TRAK1: variants seen among roughly 807,000 people sequenced by gnomAD.
The protein encoded by TRAK1 is trafficking kinesin protein 1.
In TRAK1, 33 loss-of-function variants were observed where a neutral mutation model predicts 92.1. The observed-to-expected ratio is 0.36, with a 90% confidence interval of 0.27 to 0.48. The LOEUF is 0.48. Ranked by LOEUF, TRAK1 falls within the 20% of genes least tolerant of loss-of-function variation. The probability of loss-of-function intolerance (pLI) is 0.99; values close to 1 mark genes in which losing one functional copy is unlikely to be tolerated. For synonymous variants in TRAK1, 521 were observed against 517.3 expected (o/e 1.01, Z -0.10); for missense variants, 1,123 against 1,257.9 (o/e 0.89, Z 1.62).
intron 1 of TRAK1, among the ~76,000 whole-genome samples, chr3:42,030,372 A>AAAAAAT (rs540353037): frequency 0.033 from 4,426 of 132,212 alleles, 100 homozygotes; most frequent in Non-Finnish European, 0.048. Context: ...TAAAAAAAAA[A>AAAAAAT]ATATATATAT....
chr3:42,184,922 C>T (rs542805290), intron 4 of TRAK1, 121 bp downstream of exon 4: 14 of 948,632 alleles, frequency 1.5e-5, no homozygotes, highest in Admixed American at 4.5e-5. Context: ...AGGGCACGAC[C>T]GCGGCCTGAG....
chr3:42,128,520 CA>C (rs1217883209), intron 2 of TRAK1, among the ~76,000 whole-genome samples: 3 of 152,362 alleles, frequency 2.0e-5, no homozygotes, highest in African/African-American at 7.2e-5. Context: ...AGAGCTCTCT[CA>C]CTAAGGTCCT....
chr3:42,211,845 G>T (rs1577039407), intron 14 of TRAK1: 1 of 985,406 alleles, frequency 1.0e-6, no homozygotes, highest in Non-Finnish European at 1.2e-6. Context: ...TCCTAGCAAC[G>T]TTATTTGACG....
At chr3:42,069,269 C>T (rs544639637) in intron 1 of TRAK1, among the ~76,000 whole-genome samples, 1 of 148,664 alleles carries the variant, frequency 6.7e-6, no homozygotes, top group African/African-American at 2.5e-5. Context: ...TGCAGTGAGA[C>T]TTGCTTGTGT....
chr3:42,073,582 T>G (rs1291565571), intron 1 of TRAK1, among the ~76,000 whole-genome samples: 1 of 152,210 alleles, frequency 6.6e-6, no homozygotes, highest in East Asian at 1.9e-4. Flanking sequence ...GCCTAGGGCA[T>G]GTGAAAGCCC....
chr3:42,014,390 A>G (rs1213613472), intron 1 of TRAK1, among the ~76,000 whole-genome samples: 1 of 152,112 alleles, frequency 6.6e-6, no homozygotes, highest in South Asian at 2.1e-4. Context: ...GCGACCTTCA[A>G]AGAGCCTGGA....
chr3:42,212,629 T>C, intron 14 of TRAK1: 2 of 850,692 alleles, frequency 2.4e-6, no homozygotes, highest in Non-Finnish European at 2.8e-6. Flanking sequence ...AAGTTTTAGA[T>C]TATAGTTTTA....
intron 14 of TRAK1, chr3:42,217,885 C>G (rs1327881363): frequency 4.1e-6 from 4 of 985,026 alleles, no homozygotes; most frequent in Non-Finnish European, 4.8e-6. Context: ...CAGTTTCTTA[C>G]TTATTGGAGT....
chr3:42,027,887 T>C (rs1162075615), intron 1 of TRAK1, among the ~76,000 whole-genome samples: 11 of 152,312 alleles, frequency 7.2e-5, no homozygotes, highest in Middle Eastern at 3.4e-3. Flanking sequence ...TTCGCTCTCG[T>C]TGCCCAGGTT....
chr3:42,210,675 A>AATGG, intron 14 of TRAK1: 1 of 993,784 alleles, frequency 1.0e-6, no homozygotes, highest in Non-Finnish European at 1.2e-6. Flanking sequence ...TCCCAGCTTC[A>AATGG]ATGGAGGTAT....
intron 1 of TRAK1, among the ~76,000 whole-genome samples, chr3:42,106,584 T>G (rs1480081383): frequency 6.6e-6 from 1 of 152,234 alleles, no homozygotes; most frequent in Non-Finnish European, 1.5e-5. Flanking sequence ...TTGTGTATAG[T>G]GACTCTATCA....
chr3:42,077,005 C>T (rs936078509), intron 1 of TRAK1, among the ~76,000 whole-genome samples: 3 of 152,162 alleles, frequency 2.0e-5, no homozygotes, highest in Non-Finnish European at 2.9e-5. Context: ...TGCTTTTATA[C>T]CAGTACCATG....
intron 1 of TRAK1, among the ~76,000 whole-genome samples, chr3:42,021,344 A>G (rs996703492): frequency 3.3e-5 from 5 of 152,212 alleles, no homozygotes; most frequent in African/African-American, 1.2e-4. Flanking sequence ...TGGGAATTGT[A>G]CAGTTGTACA....
At chr3:42,075,530 T>G (rs1184856233) in intron 1 of TRAK1, among the ~76,000 whole-genome samples, 1 of 152,124 alleles carries the variant, frequency 6.6e-6, no homozygotes, top group Non-Finnish European at 1.5e-5. Flanking sequence ...CGTTGAATGG[T>G]AGTTCTATTT....
chr3:42,176,014 T>A (rs1417046310), intron 2 of TRAK1, among the ~76,000 whole-genome samples: 2 of 152,206 alleles, frequency 1.3e-5, no homozygotes, highest in African/African-American at 4.8e-5. Flanking sequence ...ATCAGTTCCT[T>A]GTCACTGATT....
At chr3:42,065,312 G>A (rs1703631612) in intron 1 of TRAK1, among the ~76,000 whole-genome samples, 1 of 152,080 alleles carries the variant, frequency 6.6e-6, no homozygotes, top group Admixed American at 6.6e-5. Context: ...TTGCCAAAAT[G>A]CTTGGAACCA....
chr3:42,109,444 G>A (rs1043261173), intron 1 of TRAK1, among the ~76,000 whole-genome samples: 2 of 152,160 alleles, frequency 1.3e-5, no homozygotes, highest in Non-Finnish European at 2.9e-5. Flanking sequence ...AAGATATAAT[G>A]TTAAAAATTC....
intron 1 of TRAK1, among the ~76,000 whole-genome samples, chr3:42,049,103 G>A (rs1702879735): frequency 6.6e-6 from 1 of 152,160 alleles, no homozygotes; most frequent in African/African-American, 2.4e-5. Context: ...TGCCCAGGCT[G>A]GTCTTGAACT....
chr3:42,200,605 C>T (rs534325829), intron 11 of TRAK1, among the ~76,000 whole-genome samples: 66 of 152,238 alleles, frequency 4.3e-4, no homozygotes, highest in African/African-American at 1.5e-3. Context: ...CGTTCGAGTC[C>T]TGGGTTTAGT....
Sources: allele counts gnomAD v4.1 joint callset (sites outside exome capture counted in the v4.1 genomes callset), GRCh38; gene constraint gnomAD v4.1.1; transcripts MANE v1.5; gene names NCBI Gene and HGNC (gene_info 2026-07-23, HGNC 2026-07-21).